The following DAPK1 variants were observed in gnomAD, a reference collection of about 807,000 sequenced individuals.
DAPK1 encodes death-associated protein kinase 1.
In DAPK1, 56 loss-of-function variants were observed where a neutral mutation model predicts 144.9. That is an observed-to-expected ratio of 0.39 (90% CI 0.31 to 0.48). The LOEUF is 0.48. Among genes scored for constraint, DAPK1 ranks in the 20% least tolerant of loss-of-function variants. The pLI is 0.95. For synonymous variants in DAPK1, 690 were observed against 749.0 expected (o/e 0.92, Z 1.29); for missense variants, 1,454 against 1,875.4 (o/e 0.78, Z 4.15).
At chr9:87,587,306 C>G (rs1006201591) in intron 2 of DAPK1, among the ~76,000 whole-genome samples, 1 of 152,154 alleles carries the variant, frequency 6.6e-6, no homozygotes, top group Non-Finnish European at 1.5e-5. Flanking sequence ...TTAAATTTTA[C>G]TTTTAACCTT....
intron 10 of DAPK1, among the ~76,000 whole-genome samples, chr9:87,642,495 C>T (rs1043323079): frequency 2.9e-4 from 44 of 152,214 alleles, no homozygotes; most frequent in African/African-American, 1.1e-3. Flanking sequence ...GGGCCGTGAG[C>T]ATTTGCAGGG....
At chr9:87,634,950 A>G (rs1829838359) in intron 3 of DAPK1, among the ~76,000 whole-genome samples, 1 of 152,154 alleles carries the variant, frequency 6.6e-6, no homozygotes, top group South Asian at 2.1e-4. Flanking sequence ...GCATTTATTG[A>G]GCACTAAGGG....
At chr9:87,547,812 C>T (rs1463453695) in intron 2 of DAPK1, among the ~76,000 whole-genome samples, 1 of 152,054 alleles carries the variant, frequency 6.6e-6, no homozygotes, top group African/African-American at 2.4e-5. Context: ...ATGATCCCAC[C>T]CACCCCTATT....
intron 20 of DAPK1, among the ~76,000 whole-genome samples, chr9:87,684,080 G>A (rs1432650594): frequency 2.6e-5 from 4 of 152,240 alleles, no homozygotes; most frequent in African/African-American, 9.6e-5. Flanking sequence ...GGCACTTGCT[G>A]CCCTCACAGC....
chr9:87,638,128 C>A, intron 4 of DAPK1, 47 bp downstream of exon 4: 1 of 1,533,432 alleles, frequency 6.5e-7, no homozygotes, highest in Non-Finnish European at 8.8e-7. Context: ...CAGATCACAG[C>A]CTTGGTTGTT....
intron 17 of DAPK1, among the ~76,000 whole-genome samples, chr9:87,656,701 G>A (rs1275818974): frequency 2.0e-5 from 3 of 152,208 alleles, no homozygotes; most frequent in Non-Finnish European, 4.4e-5. Flanking sequence ...CAGTGGACGC[G>A]ATTCAGGCAT....
At chr9:87,525,435 G>C in intron 2 of DAPK1, 4 of 1,610,176 alleles carry the variant, frequency 2.5e-6, no homozygotes, top group Non-Finnish European at 3.4e-6. Flanking sequence ...CAGTGTTTCC[G>C]TCAGTACGCG....
chr9:87,516,414 G>T (rs1825056298), intron 2 of DAPK1, among the ~76,000 whole-genome samples: 1 of 152,072 alleles, frequency 6.6e-6, no homozygotes, highest in Non-Finnish European at 1.5e-5. Flanking sequence ...CTACTGAGCA[G>T]GCCTCATGAG....
chr9:87,604,909 G>GT (rs750585992), intron 2 of DAPK1, 45 bp from the exon 3 acceptor site: 134 of 1,579,424 alleles, frequency 8.5e-5, no homozygotes, highest in South Asian at 2.2e-4. Context: ...CTCAAATCCT[G>GT]TTTTTTTTAT....
At position 87,698,687 on chromosome 9, in the gene DAPK1, A is replaced by G. The variant is rs1364184492; in HGVS notation, c.2643A>G (p.Gln881=). 3 of 1,605,918 alleles carry G rather than the reference A, an allele frequency of 1.9e-6. No individual in the cohort carries two copies. Among genetic ancestry groups the G allele is most frequent in the East Asian group, 2.2e-5 (1 of 44,844 alleles). Reference sequence around the variant, plus strand: ...GTGGCAAGCTGAAGAACCCACTCCAAGTTGTCCTGGTGGCCACCCACGCTG... The same window carrying G: ...GTGGCAAGCTGAAGAACCCACTCCAGGTTGTCCTGGTGGCCACCCACGCTG... ...AFGGKLKNPL[Q]VVLVATHADI... The change falls in exon 23 of 26, where the codon CAA becomes CAG. Residue 881 remains glutamine, a synonymous_variant. Transcript: ENST00000408954.
chr9:87,651,869 C>T (rs369074665), intron 17 of DAPK1, 145 bp downstream of exon 17: 303 of 604,194 alleles, frequency 5.0e-4, no homozygotes, highest in Non-Finnish European at 7.8e-4. Context: ...CTGTGTCCTC[C>T]CACCTGATCC....
rs1204853068 is a variant in DAPK1 at position 87,605,189 on chromosome 9, G to A, written c.284+14G>A. Reference sequence around the variant, plus strand: ...GATCTTGGAACTGTGAGTGCCGCCTGGGCCAGGCTGGGGAGAGGGTGTGGT... The same window carrying A: ...GATCTTGGAACTGTGAGTGCCGCCTAGGCCAGGCTGGGGAGAGGGTGTGGT... On this transcript the variant is annotated intron_variant, in intron 3 of 25. Transcript: ENST00000408954. 2.5e-6 allele frequency: 4 copies of A among 1,604,294 alleles called. No individual in the cohort carries two copies. The highest frequency in any genetic ancestry group is 3.4e-6 in the Non-Finnish European group (4 of 1,171,516).
Position 87,686,470 on chromosome 9 carries a change from G to A in DAPK1, c.2225-81G>A. On this transcript the variant is annotated intron_variant, in intron 20 of 25. Coordinates refer to ENST00000408954, the MANE Select transcript of DAPK1 (RefSeq NM_004938.4). The surrounding 1 kb of genome is among the most constrained non-coding windows in gnomAD (Gnocchi z 4.2). ...GGGACAGAGGCGTGCTCCAGAAAAG[G>A]AAACCTCAGGGCCAGCCTGGGAGGG... 2.5e-6 allele frequency: 2 copies of A among 789,968 alleles called. No individual in the cohort carries two copies. The highest frequency in any genetic ancestry group is 1.6e-5 in the South Asian group (1 of 60,986). 48.9% of individuals were successfully genotyped at this position (789,968 alleles called of 1,614,324 possible). A position where few individuals can be genotyped will look rare whatever the true frequency, so the allele number is the denominator to read the frequency against.
chr9:87,528,886 A>AC (rs1392051890), intron 2 of DAPK1, among the ~76,000 whole-genome samples: 3 of 151,448 alleles, frequency 2.0e-5, no homozygotes, highest in Non-Finnish European at 4.4e-5. Context: ...AAAAAAAAAA[A>AC]AAAAATCACC....
chr9:87,643,363 TTTTAAAA>T lies in DAPK1; in HGVS notation c.919-12_919-6del. On this transcript the variant is annotated splice_polypyrimidine_tract_variant and splice_region_variant and intron_variant, in intron 10 of 25. Coordinates refer to ENST00000408954, the MANE Select transcript of DAPK1 (RefSeq NM_004938.4). ...CCGCCCTCCCTTTTTTTTTTTTTTT[TTTTAAAA>T]AAAAGCAATCCGTTCGCTTGATATC... The T allele has an allele frequency of 6.6e-7, 1 of 1,515,924 alleles. No homozygotes were observed. The highest frequency in any genetic ancestry group is 2.1e-5 in the Admixed American group (1 of 48,778). 93.9% of individuals were successfully genotyped at this position (1,515,924 alleles called of 1,614,324 possible).
At chr9:87,591,299 A>G (rs367920894) in intron 2 of DAPK1, among the ~76,000 whole-genome samples, 24 of 152,382 alleles carry the variant, frequency 1.6e-4, no homozygotes, top group East Asian at 7.7e-4. Flanking sequence ...GGGGCTTAGT[A>G]AAATAATCAG....
At chr9:87,563,666 C>T (rs1346220822) in intron 2 of DAPK1, among the ~76,000 whole-genome samples, 1 of 152,226 alleles carries the variant, frequency 6.6e-6, no homozygotes, top group Non-Finnish European at 1.5e-5. Flanking sequence ...GCCCAGCCAT[C>T]AGTCAGCACA....
intron 2 of DAPK1, among the ~76,000 whole-genome samples, chr9:87,533,668 C>T (rs1479256287): frequency 1.3e-5 from 2 of 151,892 alleles, no homozygotes; most frequent in African/African-American, 2.4e-5. Context: ...TCCTGCTCTG[C>T]CCTGCCCTTT....
chr9:87,689,849 T>A (rs1162896129), intron 21 of DAPK1, among the ~76,000 whole-genome samples: 1 of 152,216 alleles, frequency 6.6e-6, no homozygotes, highest in African/African-American at 2.4e-5. Context: ...TTCTATTCTG[T>A]TCCATTGGTC....
Sources: gnomAD v4.1 joint callset for allele counts (sites outside exome capture counted in the v4.1 genomes callset) on GRCh38, gnomAD v4.1.1 for gene constraint, Gnocchi (gnomAD v3.1) non-coding constraint, MANE v1.5 for transcripts, NCBI Gene and HGNC (gene_info 2026-07-23, HGNC 2026-07-21) for gene names.